The following TRIM66 variants were observed in gnomAD, a reference collection of about 807,000 sequenced individuals.
TRIM66 encodes the protein tripartite motif containing 66.
TRIM66 carries 99 observed loss-of-function variants against 148.2 expected under a neutral mutation model. The observed-to-expected ratio is 0.67, with a 90% CI of 0.57 to 0.79. The LOEUF (loss-of-function observed/expected upper bound fraction) is 0.79. Among genes scored for constraint, TRIM66 ranks in the 30% least tolerant of loss-of-function variants. TRIM66 has a pLI of 0.00. For synonymous variants in TRIM66, 616 were observed against 635.9 expected, an observed-to-expected ratio of 0.97 and a Z score of 0.47; for missense variants, 1,666 against 1,697.9, an observed-to-expected ratio of 0.98 and a Z score of 0.33.
chr11:8,635,053 A>C (rs2035757774), intron 15 of TRIM66, among the ~76,000 whole-genome samples: 1 of 152,234 alleles, frequency 6.6e-6, no homozygotes, highest in Non-Finnish European at 1.5e-5. Flanking sequence ...GGGCTACTTC[A>C]AGGATTGTAA....
intron 15 of TRIM66, among the ~76,000 whole-genome samples, chr11:8,635,759 C>T (rs533833629): frequency 6.6e-6 from 1 of 152,288 alleles, no homozygotes; most frequent in Admixed American, 6.5e-5. Flanking sequence ...AACCCCATTG[C>T]CAACTTGCAG....
intron 6 of TRIM66, among the ~76,000 whole-genome samples, chr11:8,652,122 C>T (rs1276038730): frequency 6.6e-6 from 1 of 152,210 alleles, no homozygotes; most frequent in African/African-American, 2.4e-5. Flanking sequence ...GGTCTCCTCA[C>T]ATTCTTGTCT....
At chr11:8,660,694 T>C (rs1257958102) in intron 6 of TRIM66, among the ~76,000 whole-genome samples, 2 of 152,238 alleles carry the variant, frequency 1.3e-5, no homozygotes, top group Admixed American at 6.5e-5. Flanking sequence ...CCTCACCCTT[T>C]GGAGTTTAAT....
upstream of TRIM66, chr11:8,682,860 C>G: frequency 6.3e-7 from 1 of 1,597,746 alleles, no homozygotes; most frequent in Non-Finnish European, 8.5e-7. Flanking sequence ...CCGGCGGAGA[C>G]CCCTAAGCTG....
At position 8,641,167 on chromosome 11, in the gene TRIM66, T is replaced by C. The variant is rs578259796; in HGVS notation, c.1223-15A>G. 1.3e-6 allele frequency: 2 copies of C among 1,533,866 alleles called. No homozygotes were observed. Among genetic ancestry groups the C allele is most frequent in the East Asian group, 2.5e-5 (1 of 40,552 alleles). On this transcript the variant is annotated splice_polypyrimidine_tract_variant and intron_variant, in intron 13 of 24. Coordinates refer to ENST00000646038, the MANE Select transcript of TRIM66 (RefSeq NM_001388022.1). ...AGTTATGCAGCCTGAAAATGCAGAATAGAGAGTTTTTCAAAAGTTTTTCAA... is the reference window on the plus strand; with the variant it reads ...AGTTATGCAGCCTGAAAATGCAGAACAGAGAGTTTTTCAAAAGTTTTTCAA...
chr11:8,671,803 TGA>T lies in TRIM66; in HGVS notation c.321_322del (p.His108Ter). ...GTACTTACCATCTGCAACAGTCTCA[TGA>T]GCCTTGGCAATCTGCCCTAGCTCCT... On this transcript the variant is annotated frameshift_variant, in exon 6 of 25. Transcript: ENST00000646038. LOFTEE classifies it high-confidence loss of function. The T allele has an allele frequency of 7.0e-7, 1 of 1,437,940 alleles. No individual in the cohort carries two copies. The highest frequency in any genetic ancestry group is 1.4e-5 in the African/African-American group (1 of 71,182). The allele number at this position is 1,437,940 out of a possible 1,614,324, so 89.1% of individuals were successfully genotyped here.
intron 12 of TRIM66, 138 bp downstream of exon 12, chr11:8,645,603 G>A (rs2036778113): frequency 1.0e-6 from 1 of 998,396 alleles, no homozygotes; most frequent in African/African-American, 1.6e-5. Context: ...TTGAAGGATG[G>A]ATGGAGCTGC....
chr11:8,670,188 T>C (rs1430329518), intron 6 of TRIM66, among the ~76,000 whole-genome samples: 2 of 152,044 alleles, frequency 1.3e-5, no homozygotes, highest in African/African-American at 4.8e-5. Context: ...AATTTTTGTA[T>C]TTTTAGTAGA....
chr11:8,650,621 G>A (rs1202790526), intron 7 of TRIM66, among the ~76,000 whole-genome samples: 2 of 152,130 alleles, frequency 1.3e-5, no homozygotes, highest in Admixed American at 1.3e-4. Context: ...GCTATCCACA[G>A]CACACAGGAT....
chr11:8,616,524 C>T lies in TRIM66; in HGVS notation c.*1420G>A, dbSNP rs1047207131. 3.3e-5 allele frequency: 5 copies of T among 152,224 alleles called. No individual in the cohort carries two copies. Among genetic ancestry groups the T allele is most frequent in the Non-Finnish European group, 4.4e-5 (3 of 68,058 alleles). 9.4% of individuals were successfully genotyped at this position (152,224 alleles called of 1,614,324 possible). ...TATGAGCAATGGGTTCCTTCTCAAC[C>T]AAGCCCTTGCTTGGGAGGTAGCCTG... is the stretch of plus-strand genomic sequence containing the variant. On this transcript the variant is annotated 3_prime_UTR_variant, in exon 25 of 25. Coordinates refer to ENST00000646038, the MANE Select transcript of TRIM66 (RefSeq NM_001388022.1).
chr11:8,635,770 C>A (rs185312503), intron 15 of TRIM66, among the ~76,000 whole-genome samples: 1 of 152,140 alleles, frequency 6.6e-6, no homozygotes, highest in East Asian at 1.9e-4. Context: ...CAACTTGCAG[C>A]CACACAAAAG....
chr11:8,632,451 A>ATTT (rs386373046), intron 15 of TRIM66, among the ~76,000 whole-genome samples: 1 of 88,028 alleles, frequency 1.1e-5, no homozygotes, highest in Non-Finnish European at 2.2e-5. Flanking sequence ...TCACATGTTG[A>ATTT]TTTTTTTTTT....
At chr11:8,673,536 G>GT (rs1347726810) in intron 4 of TRIM66, among the ~76,000 whole-genome samples, 1 of 152,162 alleles carries the variant, frequency 6.6e-6, no homozygotes, top group Non-Finnish European at 1.5e-5. Context: ...AATGATGCAT[G>GT]TTTTACAGTA....
chr11:8,665,766 G>A (rs192445409), intron 6 of TRIM66, among the ~76,000 whole-genome samples: 32 of 151,882 alleles, frequency 2.1e-4, no homozygotes, highest in Non-Finnish European at 4.1e-4. Context: ...TGGCTAACAC[G>A]GTGAAATCCT....
intron 21 of TRIM66, 60 bp from the exon 22 acceptor site, chr11:8,620,184 A>G (rs1390440929): frequency 6.1e-6 from 9 of 1,479,274 alleles, no homozygotes; most frequent in Admixed American, 2.0e-5. Context: ...AGTATGAACT[A>G]AAGATGTTGA....
At chr11:8,637,296 T>C (rs191980753) in intron 15 of TRIM66, among the ~76,000 whole-genome samples, 42 of 145,918 alleles carry the variant, frequency 2.9e-4, no homozygotes, top group Non-Finnish European at 1.0e-4. Flanking sequence ...TACTCAGATA[T>C]AGATATAGAT....
At chr11:8,656,289 T>C (rs1322233530) in intron 6 of TRIM66, among the ~76,000 whole-genome samples, 1 of 152,240 alleles carries the variant, frequency 6.6e-6, no homozygotes, top group African/African-American at 2.4e-5. Context: ...TAAATACATA[T>C]TTAAATCACA....
Position 8,679,716 on chromosome 11 carries a change from ATG to A in TRIM66, c.-288_-287del. The A allele has an allele frequency of 6.5e-6, 1 of 152,736 alleles. No individual in the cohort carries two copies. Among genetic ancestry groups the A allele is most frequent in the East Asian group, 1.9e-4 (1 of 5,170 alleles). 9.5% of individuals were successfully genotyped at this position (152,736 alleles called of 1,614,324 possible). A position where few individuals can be genotyped will look rare whatever the true frequency, so the allele number is the denominator to read the frequency against. On this transcript the variant is annotated 5_prime_UTR_variant, in exon 3 of 25. Transcript: ENST00000646038. ...CAGTTTTGATGTCAAATAGACGACG[ATG>A]TCTTCTTTGATCTCCCCTCCTATTC... is the stretch of plus-strand genomic sequence containing the variant.
chr11:8,646,142 T>C, intron 11 of TRIM66, among the ~76,000 whole-genome samples: 1 of 152,186 alleles, frequency 6.6e-6, no homozygotes, highest in Non-Finnish European at 1.5e-5. Context: ...CTACATCTCT[T>C]GGGCATAAAT....
Sources: gnomAD v4.1 joint callset for allele counts (sites outside exome capture counted in the v4.1 genomes callset) on GRCh38, gnomAD v4.1.1 for gene constraint, MANE v1.5 for transcripts, NCBI Gene and HGNC (gene_info 2026-07-23, HGNC 2026-07-21) for gene names.